The following ACTR3C variants were observed in gnomAD, a reference collection of about 807,000 sequenced individuals.
The protein encoded by ACTR3C is actin related protein 3C.
In ACTR3C, 18 loss-of-function variants were observed where a neutral mutation model predicts 26.3. That is an observed-to-expected ratio of 0.68 (90% CI 0.47 to 1.01). The LOEUF is 1.01. ACTR3C is among the 50% of genes least tolerant of loss of function. The pLI is 0.00. For missense variants in ACTR3C, 184 were observed against 250.7 expected (o/e 0.73, Z 1.80); for synonymous variants, 55 against 94.5 (o/e 0.58, Z 2.42).
At chr7:150,300,368 A>C (rs1339738257) in intron 1 of ACTR3C, among the ~76,000 whole-genome samples, 2 of 152,168 alleles carry the variant, frequency 1.3e-5, no homozygotes, top group Non-Finnish European at 2.9e-5. Context: ...AACAACAACA[A>C]AAAAAGAAAG....
chr7:150,161,325 A>G, the ACTR3C span, among the ~76,000 whole-genome samples: 1 of 150,316 alleles, frequency 6.7e-6, no homozygotes, highest in Non-Finnish European at 1.5e-5. Context: ...TTAACTCGTC[A>G]TTTACATTAG....
chr7:149,966,048 A>T, the ACTR3C span, among the ~76,000 whole-genome samples: 1 of 152,220 alleles, frequency 6.6e-6, no homozygotes, highest in African/African-American at 2.4e-5. Context: ...AATGTGTTTC[A>T]GAAGGACCTG....
the ACTR3C span, among the ~76,000 whole-genome samples, chr7:150,214,475 G>T: frequency 6.6e-6 from 1 of 151,904 alleles, no homozygotes; most frequent in East Asian, 1.9e-4. Flanking sequence ...ACAGAGGAGA[G>T]ACTCATTAAA....
At chr7:150,294,257 T>C (rs2429330) in intron 2 of ACTR3C, among the ~76,000 whole-genome samples, 48 of 152,336 alleles carry the variant, frequency 3.2e-4, no homozygotes, top group African/African-American at 9.6e-4. Flanking sequence ...TGCTGTCTTC[T>C]AGTGGGCAGA....
At chr7:149,953,043 A>T in the ACTR3C span, among the ~76,000 whole-genome samples, 9,457 of 148,664 alleles carry the variant, frequency 0.064, 974 homozygotes, top group African/African-American at 0.22. Context: ...GTGCTATTGC[A>T]TATAATTGGA....
the ACTR3C span, among the ~76,000 whole-genome samples, chr7:149,933,470 T>C: frequency 6.6e-6 from 1 of 152,190 alleles, no homozygotes; most frequent in Non-Finnish European, 1.5e-5. Flanking sequence ...CTCTAACACA[T>C]AATTGTGGAC....
chr7:150,252,742 T>C lies in ACTR3C; in HGVS notation c.565-3688A>G, dbSNP rs548132693. On this transcript the variant is annotated intron_variant, in intron 6 of 7. Transcript: ENST00000683684. Reference sequence around the variant, plus strand: ...ATATTTTATTTGAAGTACCTTTCTATTAAAACTTCTCTGACCATCTAATTG... The same window carrying C: ...ATATTTTATTTGAAGTACCTTTCTACTAAAACTTCTCTGACCATCTAATTG... Among the ~76,000 whole-genome samples the C allele has an allele frequency of 6.6e-5, 10 of 152,354 alleles. No individual in the cohort carries two copies. The East Asian group carries it at 1.5e-3, about 23-fold the overall frequency.
the ACTR3C span, among the ~76,000 whole-genome samples, chr7:150,226,384 T>C: frequency 6.6e-6 from 1 of 152,192 alleles, no homozygotes; most frequent in Non-Finnish European, 1.5e-5. Flanking sequence ...TGTTTTTGTA[T>C]TTTTGCCTTT....
the ACTR3C span, among the ~76,000 whole-genome samples, chr7:150,076,244 T>G: frequency 6.6e-6 from 1 of 152,110 alleles, no homozygotes; most frequent in Non-Finnish European, 1.5e-5. Flanking sequence ...ATCTAATAAA[T>G]CTGTTGTGTC....
At chr7:150,028,867 G>A in the ACTR3C span, among the ~76,000 whole-genome samples, 3 of 152,222 alleles carry the variant, frequency 2.0e-5, no homozygotes, top group East Asian at 1.9e-4. Context: ...TGTCTGCTAT[G>A]AGCCTGCCTT....
downstream of ACTR3C, among the ~76,000 whole-genome samples, chr7:150,240,962 A>G (rs1254988937): frequency 3.9e-5 from 6 of 152,236 alleles, no homozygotes; most frequent in Non-Finnish European, 5.9e-5. Flanking sequence ...GCATCAAAAT[A>G]GCATAAAACT....
the ACTR3C span, among the ~76,000 whole-genome samples, chr7:150,145,474 G>GGTC: frequency 6.7e-6 from 1 of 148,934 alleles, no homozygotes; most frequent in Non-Finnish European, 1.5e-5. Flanking sequence ...GCAGCACCAG[G>GGTC]GTCGTGGCTG....
At chr7:149,925,534 A>G in the ACTR3C span, among the ~76,000 whole-genome samples, 2 of 152,178 alleles carry the variant, frequency 1.3e-5, no homozygotes, top group Non-Finnish European at 2.9e-5. Context: ...AACACAACAC[A>G]ATACAAAATC....
the ACTR3C span, among the ~76,000 whole-genome samples, chr7:150,046,356 C>A: frequency 5.0e-5 from 4 of 80,306 alleles, no homozygotes; most frequent in Non-Finnish European, 9.6e-5. Flanking sequence ...CGCCCCCCCC[C>A]CCCCGACCCA....
the ACTR3C span, among the ~76,000 whole-genome samples, chr7:150,119,418 A>G: frequency 6.6e-6 from 1 of 152,236 alleles, no homozygotes; most frequent in African/African-American, 2.4e-5. Context: ...AGAAAGCAAA[A>G]AAAGCAGGGC....
chr7:150,092,328 A>T, the ACTR3C span, among the ~76,000 whole-genome samples: 1 of 150,618 alleles, frequency 6.6e-6, no homozygotes, highest in Non-Finnish European at 1.5e-5. Flanking sequence ...GCAGTCAAGA[A>T]ATCTGAGTTT....
chr7:149,891,385 A>G, the ACTR3C span: 693,269 of 1,098,530 alleles, frequency 0.63, 222,163 homozygotes, highest in East Asian at 0.79. Context: ...AAGAAACTGT[A>G]TTATTAAGAA....
chr7:150,060,268 A>C, the ACTR3C span, among the ~76,000 whole-genome samples: 1 of 151,488 alleles, frequency 6.6e-6, no homozygotes. Flanking sequence ...CAAGAGAAAC[A>C]GCCTCATGAA....
chr7:149,940,721 A>G, the ACTR3C span, among the ~76,000 whole-genome samples: 85,568 of 121,496 alleles, frequency 0.7, 33,172 homozygotes, highest in Non-Finnish European at 0.87. Flanking sequence ...CCACTCTCCT[A>G]GGATTGGTGC....
Sources: gnomAD v4.1 joint callset for allele counts (sites outside exome capture counted in the v4.1 genomes callset) on GRCh38, gnomAD v4.1.1 for gene constraint, MANE v1.5 for transcripts, NCBI Gene and HGNC (gene_info 2026-07-23, HGNC 2026-07-21) for gene names.